Variants in SCML4 observed in about 807,000 individuals in gnomAD.
SCML4 encodes the protein Scm polycomb group protein like 4, also known as sex comb on midleg-like protein 4.
Under a neutral mutation model 41.1 loss-of-function variants are expected in SCML4, and 34 were observed. The observed-to-expected ratio is 0.83, with a 90% CI of 0.63 to 1.10. The LOEUF (loss-of-function observed/expected upper bound fraction) is 1.10, where lower values mean the gene tolerates loss of function less well. Among genes scored for constraint, SCML4 ranks in the 50% least tolerant of loss-of-function variants. SCML4 has a pLI of 0.00. For missense variants in SCML4, 522 were observed against 534.1 expected (o/e 0.98, Z 0.22); for synonymous variants, 214 against 220.9 (o/e 0.97, Z 0.28).
intron 2 of SCML4, among the ~76,000 whole-genome samples, chr6:107,771,101 A>G (rs906953557): frequency 6.6e-6 from 1 of 152,214 alleles, no homozygotes; most frequent in Non-Finnish European, 1.5e-5. Context: ...TTCTTTTACT[A>G]AAACCAATGA....
the SCML4 span, among the ~76,000 whole-genome samples, chr6:107,831,411 CAAAAAAAA>C: frequency 3.7e-5 from 4 of 107,504 alleles, no homozygotes; most frequent in Admixed American, 2.1e-4. Context: ...TTTTCATTCT[CAAAAAAAA>C]AAAAAAAAAA....
chr6:107,751,620 T>TTCTTTCTC (rs1778667758), intron 2 of SCML4, among the ~76,000 whole-genome samples: 1 of 148,300 alleles, frequency 6.7e-6, no homozygotes, highest in Non-Finnish European at 1.5e-5. Context: ...CTTTCTTTCT[T>TTCTTTCTC]TCTTTCTTTC....
the SCML4 span, among the ~76,000 whole-genome samples, chr6:107,837,471 C>A: frequency 1.3e-5 from 2 of 152,142 alleles, no homozygotes; most frequent in Non-Finnish European, 2.9e-5. Flanking sequence ...ACCTTCACCT[C>A]GAGTTCAGGG....
chr6:107,725,337 A>T (rs926855297), intron 5 of SCML4, among the ~76,000 whole-genome samples: 2 of 152,204 alleles, frequency 1.3e-5, no homozygotes, highest in African/African-American at 4.8e-5. Flanking sequence ...TGATTTAAAA[A>T]TTTTTTAAAA....
the SCML4 span, among the ~76,000 whole-genome samples, chr6:107,840,578 T>C: frequency 6.6e-6 from 1 of 152,200 alleles, no homozygotes; most frequent in Non-Finnish European, 1.5e-5. Context: ...CTCACGGAGC[T>C]TAATTTCTAC....
chr6:107,845,353 G>A, the SCML4 span, among the ~76,000 whole-genome samples: 1,894 of 152,296 alleles, frequency 0.012, 36 homozygotes, highest in African/African-American at 0.044. Flanking sequence ...CAGAGGCCCC[G>A]ACCACCAGTT....
At chr6:107,720,617 C>T (rs560542581) in intron 6 of SCML4, 86 bp downstream of exon 6, 1 of 1,452,696 alleles carries the variant, frequency 6.9e-7, no homozygotes, top group African/African-American at 1.4e-5. Flanking sequence ...TAAACAGCCA[C>T]ACTCCCCCTT....
At chr6:107,792,028 G>A (rs1000236297) in intron 1 of SCML4, among the ~76,000 whole-genome samples, 2 of 152,210 alleles carry the variant, frequency 1.3e-5, no homozygotes, top group Admixed American at 6.5e-5. Context: ...TTGGGGGAAG[G>A]GGAGGGGAAC....
intron 7 of SCML4, among the ~76,000 whole-genome samples, chr6:107,706,900 A>G (rs1380508444): frequency 1.3e-5 from 2 of 152,178 alleles, no homozygotes; most frequent in African/African-American, 2.4e-5. Context: ...GATTCTCCCT[A>G]GAACCTCCAG....
chr6:107,789,113 G>T (rs1782124852), intron 1 of SCML4, among the ~76,000 whole-genome samples: 1 of 152,190 alleles, frequency 6.6e-6, no homozygotes, highest in Non-Finnish European at 1.5e-5. Flanking sequence ...ACAGCCTGTT[G>T]GTTCCGCAGG....
In SCML4 at chr6:107,751,672, G is replaced by A. The variant is rs572166382; in HGVS notation, c.157-1859C>T. 2.2e-5 allele frequency among the ~76,000 whole-genome samples: 3 copies of A among 133,370 alleles called. No individual in the cohort carries two copies. In the Admixed American group the frequency reaches 2.5e-4, roughly 11 times the overall value. The allele number at this position is 133,370 out of a possible 152,430, so 87.5% of individuals were successfully genotyped here. A position where few individuals can be genotyped will look rare whatever the true frequency, so the allele number is the denominator to read the frequency against. The stretch of plus-strand genomic sequence containing the variant: ...TTTTTTGAGAGGGAGTTTCGCTCTT[G>A]TTGCCCAGGCTGGAGTGCAATGGCA... On this transcript the variant is annotated intron_variant, in intron 2 of 7. Transcript: ENST00000369020.
At position 107,746,887 on chromosome 6, in the gene SCML4, A is replaced by G. The variant is rs755199197; in HGVS notation, c.289T>C (p.Cys97Arg). ...SLAAPQALTV[C>R]LYINKQANAG... ...TTGGCCTGCTTGTTGATGTAGAGGCAGACTGCGGAGACAGAGGTCACAAAG... is the reference window on the plus strand; with the variant it reads ...TTGGCCTGCTTGTTGATGTAGAGGCGGACTGCGGAGACAGAGGTCACAAAG... Residue 97 changes from cysteine to arginine, a missense_variant and splice_region_variant, in exon 4 of 8, where the codon TGC (cysteine) becomes CGC (arginine). Transcript: ENST00000369020. 1.9e-6 allele frequency: 3 copies of G among 1,610,160 alleles called. No individual in the cohort carries two copies. Among genetic ancestry groups the G allele is most frequent in the East Asian group, 4.5e-5 (2 of 44,816 alleles).
chr6:107,726,668 C>T (rs919246985), intron 5 of SCML4, among the ~76,000 whole-genome samples: 5 of 152,004 alleles, frequency 3.3e-5, no homozygotes, highest in Non-Finnish European at 2.9e-5. Context: ...CAAAGCTGAT[C>T]CACATCATGA....
At chr6:107,831,448 G>A in the SCML4 span, among the ~76,000 whole-genome samples, 2 of 146,574 alleles carry the variant, frequency 1.4e-5, no homozygotes, top group Non-Finnish European at 3.0e-5. Flanking sequence ...GCTCGTTGGT[G>A]AATAAAAAGC....
chr6:107,811,758 G>A (rs539414981), intron 1 of SCML4, among the ~76,000 whole-genome samples: 2 of 152,288 alleles, frequency 1.3e-5, no homozygotes, highest in African/African-American at 4.8e-5. Flanking sequence ...TTCACAGAGT[G>A]CGCAGTGGGG....
At chr6:107,733,078 G>A (rs1055707794) in intron 5 of SCML4, among the ~76,000 whole-genome samples, 4 of 152,170 alleles carry the variant, frequency 2.6e-5, no homozygotes, top group African/African-American at 9.7e-5. Flanking sequence ...TGAAAAAGCT[G>A]GAAAAGTGGG....
chr6:107,746,111 A>G (rs1187932594), intron 4 of SCML4: 1 of 152,328 alleles, frequency 6.6e-6, no homozygotes, highest in African/African-American at 2.4e-5. Context: ...AGTAGAACCT[A>G]AAGGACATCC....
At chr6:107,830,287 G>A in the SCML4 span, among the ~76,000 whole-genome samples, 1 of 152,220 alleles carries the variant, frequency 6.6e-6, no homozygotes, top group Non-Finnish European at 1.5e-5. Context: ...CTCTCAGACA[G>A]GGCCTTCTCT....
chr6:107,818,041 C>T (rs1784680845), intron 1 of SCML4, among the ~76,000 whole-genome samples: 1 of 152,216 alleles, frequency 6.6e-6, no homozygotes, highest in African/African-American at 2.4e-5. Flanking sequence ...TATATTTTCA[C>T]ACCGTGGATG....
Sources: allele counts gnomAD v4.1 joint callset (sites outside exome capture counted in the v4.1 genomes callset), GRCh38; gene constraint gnomAD v4.1.1; transcripts MANE v1.5; gene names NCBI Gene and HGNC (gene_info 2026-07-23, HGNC 2026-07-21).